MYO18B: variants seen among roughly 807,000 people sequenced by gnomAD.
The protein encoded by MYO18B is unconventional myosin-XVIIIb.
A neutral mutation model predicts 273.0 loss-of-function variants in MYO18B; 204 were observed. That is an observed-to-expected ratio of 0.75 (90% confidence interval 0.67 to 0.84). The LOEUF (loss-of-function observed/expected upper bound fraction) is 0.84, where lower values mean the gene tolerates loss of function less well. MYO18B is among the 40% of genes least tolerant of loss of function. The probability of loss-of-function intolerance (pLI) is 0.00; values close to 1 mark genes in which losing one functional copy is unlikely to be tolerated. For synonymous variants in MYO18B, 1,330 were observed against 1,305.7 expected (o/e 1.02, Z -0.40); for missense variants, 3,212 against 3,287.6 (o/e 0.98, Z 0.56).
chr22:25,797,721 A>G (rs533940461), intron 11 of MYO18B, among the ~76,000 whole-genome samples: 6 of 152,356 alleles, frequency 3.9e-5, no homozygotes, highest in African/African-American at 9.6e-5. Context: ...GCGTGCACAC[A>G]TGAAGGAATA....
chr22:25,854,300 A>T (rs2090506944), intron 21 of MYO18B, among the ~76,000 whole-genome samples: 1 of 152,214 alleles, frequency 6.6e-6, no homozygotes, highest in Non-Finnish European at 1.5e-5. Flanking sequence ...ATAAACTCTC[A>T]TTATAAAATA....
At chr22:25,931,388 G>A (rs1481144087) in intron 34 of MYO18B, among the ~76,000 whole-genome samples, 3 of 152,324 alleles carry the variant, frequency 2.0e-5, no homozygotes, top group East Asian at 1.9e-4. Flanking sequence ...TGTCAAGGTC[G>A]TGATAACTAT....
At chr22:25,878,091 T>C (rs377363867) in intron 25 of MYO18B, 43 bp downstream of exon 25, 6 of 1,450,792 alleles carry the variant, frequency 4.1e-6, no homozygotes, top group South Asian at 2.5e-5. Flanking sequence ...GGGGTCTTTA[T>C]GTATGTGAGA....
At chr22:25,968,494 G>T (rs1320273008) in intron 39 of MYO18B, among the ~76,000 whole-genome samples, 1 of 152,098 alleles carries the variant, frequency 6.6e-6, no homozygotes, top group Admixed American at 6.6e-5. Context: ...GCCCCTTCTA[G>T]GTTTTATCTT....
At chr22:25,875,202 G>C (rs917392341) in intron 23 of MYO18B, among the ~76,000 whole-genome samples, 1 of 152,230 alleles carries the variant, frequency 6.6e-6, no homozygotes, top group African/African-American at 2.4e-5. Flanking sequence ...ATGTGGAATA[G>C]AGTTTCAGAC....
chr22:25,808,953 G>T (rs944160803), intron 12 of MYO18B, among the ~76,000 whole-genome samples: 3 of 151,936 alleles, frequency 2.0e-5, no homozygotes, highest in South Asian at 2.1e-4. Context: ...GACCTGGGCG[G>T]TTTTTTTTGA....
At chr22:25,892,028 C>T (rs142958725) in intron 27 of MYO18B, among the ~76,000 whole-genome samples, 6 of 152,188 alleles carry the variant, frequency 3.9e-5, no homozygotes, top group African/African-American at 7.2e-5. Context: ...AAAAAGAAAA[C>T]GTAAATTTTG....
chr22:26,023,871 A>G (rs1038589710), intron 42 of MYO18B, among the ~76,000 whole-genome samples: 1 of 152,232 alleles, frequency 6.6e-6, no homozygotes, highest in African/African-American at 2.4e-5. Context: ...TGTGTATTCG[A>G]GGAGGGATTC....
At chr22:25,944,783 G>A (rs113157879) in intron 34 of MYO18B, among the ~76,000 whole-genome samples, 245 of 151,154 alleles carry the variant, frequency 1.6e-3, no homozygotes, top group African/African-American at 5.3e-3. Context: ...GGAGGTGGAG[G>A]TCGCAGTGAG....
In MYO18B at chr22:25,992,361, A is replaced by G. The variant is rs1304301625; in HGVS notation, c.6157-2A>G. The G allele has an allele frequency of 5.6e-6, 9 of 1,613,690 alleles. No individual in the cohort carries two copies. In the Admixed American group the frequency reaches 1.3e-4, roughly 24 times the overall value. On this transcript the variant is annotated splice_acceptor_variant, in intron 39 of 43. Coordinates refer to ENST00000335473, the MANE Select transcript of MYO18B (RefSeq NM_032608.7). LOFTEE classifies it high-confidence loss of function. The stretch of plus-strand genomic sequence containing the variant: ...ACGTGTGTTTGCATCTTCTGTCCCC[A>G]GGAGAAGTACGTGGAGGAACTTGCA...
chr22:25,824,397 A>G (rs1024733165), intron 13 of MYO18B, among the ~76,000 whole-genome samples: 6 of 152,184 alleles, frequency 3.9e-5, no homozygotes, highest in Non-Finnish European at 8.8e-5. Context: ...AGTGGCTGCT[A>G]GGATTTTGGC....
Position 26,004,851 on chromosome 22 carries a change from C to A in MYO18B, c.6466C>A (p.Pro2156Thr), listed in dbSNP as rs1449696303. The change falls in exon 42 of 44, where the codon CCC becomes ACC. Residue 2156 changes from proline (P) to threonine (T), a missense_variant. Physicochemically the swap from Pro to Thr is conservative, Grantham distance 38. Coordinates refer to ENST00000335473, the MANE Select transcript of MYO18B (RefSeq NM_032608.7). ...AGCCACCAGCAGCCGCATCCTCAGC[C>A]CCAGGTAAGAGTATCTCCTTGCTGC... ...QSATSSRILS[P>T]RINEEAGDTE... 2 of 1,613,548 alleles carry A rather than the reference C, an allele frequency of 1.2e-6. No homozygotes were observed. Among genetic ancestry groups the A allele is most frequent in the Non-Finnish European group, 1.7e-6 (2 of 1,179,618 alleles).
intron 42 of MYO18B, among the ~76,000 whole-genome samples, chr22:26,026,179 A>G (rs1936223147): frequency 3.9e-5 from 6 of 152,174 alleles, no homozygotes. Flanking sequence ...AATCTAATTC[A>G]TCCGTCCTAG....
At chr22:25,943,937 G>A (rs890954978) in intron 34 of MYO18B, among the ~76,000 whole-genome samples, 1 of 151,944 alleles carries the variant, frequency 6.6e-6, no homozygotes, top group African/African-American at 2.4e-5. Context: ...GGTCAGGCTG[G>A]TCTTGAACTC....
At chr22:25,847,745 T>C (rs1432160583) in intron 20 of MYO18B, 93 bp downstream of exon 20, 6 of 910,988 alleles carry the variant, frequency 6.6e-6, no homozygotes, top group Non-Finnish European at 1.0e-5. Flanking sequence ...CCCTGCCATG[T>C]GCTAGGAGCT....
chr22:25,957,922 T>TC (rs2146663286), intron 39 of MYO18B, among the ~76,000 whole-genome samples: 1 of 151,392 alleles, frequency 6.6e-6, no homozygotes, highest in East Asian at 1.9e-4. Context: ...CTTTTTTTTT[T>TC]TTTTTTTTTG....
Position 26,026,548 on chromosome 22 carries a change from G to A in MYO18B, c.6574G>A (p.Val2192Ile), listed in dbSNP as rs369440294. 2 of 1,613,780 alleles carry A rather than the reference G, an allele frequency of 1.2e-6. No individual in the cohort carries two copies. The highest frequency in any genetic ancestry group is 1.7e-6 in the Non-Finnish European group (2 of 1,179,890). Residue 2192 changes from valine to isoleucine, a missense_variant, in exon 43 of 44, where the codon GTT (valine) becomes ATT (isoleucine). Coordinates refer to ENST00000335473, the MANE Select transcript of MYO18B (RefSeq NM_032608.7). ...VHSKTSGDKP[V>I]SPHFVRRQKY... ...CAGCAAGACCTCAGGAGACAAGCCTGTTTCTCCCCACTTTGTCCGCCGGCA... is the reference window on the plus strand; with the variant it reads ...CAGCAAGACCTCAGGAGACAAGCCTATTTCTCCCCACTTTGTCCGCCGGCA...
intron 3 of MYO18B, among the ~76,000 whole-genome samples, chr22:25,766,402 A>G (rs2086508684): frequency 6.6e-6 from 1 of 152,136 alleles, no homozygotes; most frequent in Non-Finnish European, 1.5e-5. Flanking sequence ...GAAAACAGAG[A>G]CTTTGCTGTG....
At chr22:25,793,973 G>A (rs547698995) in intron 11 of MYO18B, among the ~76,000 whole-genome samples, 2 of 150,890 alleles carry the variant, frequency 1.3e-5, no homozygotes, top group Admixed American at 6.6e-5. Flanking sequence ...TTGCTCTGTC[G>A]CCCAGGCTGG....
Sources: gnomAD v4.1 joint callset for allele counts (sites outside exome capture counted in the v4.1 genomes callset) on GRCh38, gnomAD v4.1.1 for gene constraint, MANE v1.5 for transcripts, NCBI Gene and HGNC (gene_info 2026-07-23, HGNC 2026-07-21) for gene names.